Variants in CACNA1C observed in about 807,000 individuals in gnomAD.
The protein encoded by CACNA1C is calcium voltage-gated channel subunit alpha1 C, also known as voltage-dependent L-type calcium channel subunit alpha-1C.
CACNA1C carries 30 observed loss-of-function variants against 229.0 expected under a neutral mutation model. That is an observed-to-expected ratio of 0.13 (90% CI 0.10 to 0.18). The LOEUF is 0.18. Ranked by LOEUF, CACNA1C falls within the 10% of genes least tolerant of loss-of-function variation. CACNA1C has a pLI of 1.00. For synonymous variants in CACNA1C, 1,114 were observed against 1,132.5 expected, an observed-to-expected ratio of 0.98 and a Z score of 0.33; for missense variants, 1,658 against 2,845.0, an observed-to-expected ratio of 0.58 and a Z score of 9.49.
At chr12:2,574,845 T>C (rs2057802015) in intron 13 of CACNA1C, among the ~76,000 whole-genome samples, 1 of 152,240 alleles carries the variant, frequency 6.6e-6, no homozygotes, top group South Asian at 2.1e-4. Context: ...CAAAGGTAGC[T>C]CAGACTCCAG....
At chr12:1,998,136 G>A (rs543430923) in intron 1 of CACNA1C, among the ~76,000 whole-genome samples, 4 of 152,324 alleles carry the variant, frequency 2.6e-5, no homozygotes, top group Non-Finnish European at 5.9e-5. Context: ...CAAGTTCTAT[G>A]TCATCATTGT....
intron 43 of CACNA1C, among the ~76,000 whole-genome samples, chr12:2,684,818 A>G (rs1569259900): frequency 6.6e-6 from 1 of 152,198 alleles, no homozygotes; most frequent in Non-Finnish European, 1.5e-5. Flanking sequence ...TTGAAGGTAT[A>G]AATACTGCGG....
chr12:2,425,884 A>G (rs942746113), intron 3 of CACNA1C, among the ~76,000 whole-genome samples: 1 of 152,258 alleles, frequency 6.6e-6, no homozygotes, highest in African/African-American at 2.4e-5. Flanking sequence ...GAAAGCCCCA[A>G]GAGACTTGGG....
chr12:2,419,253 G>A (rs1343375726), intron 3 of CACNA1C, among the ~76,000 whole-genome samples: 1 of 152,192 alleles, frequency 6.6e-6, no homozygotes. Context: ...GCCTCAGGAA[G>A]CTTCCAATCA....
intron 7 of CACNA1C, among the ~76,000 whole-genome samples, chr12:2,494,056 T>C (rs1279482192): frequency 1.3e-5 from 2 of 152,148 alleles, no homozygotes; most frequent in Admixed American, 6.5e-5. Flanking sequence ...GATACATGTG[T>C]AGAACGTGCA....
chr12:2,027,641 G>T (rs181061464), intron 1 of CACNA1C, among the ~76,000 whole-genome samples: 2 of 152,118 alleles, frequency 1.3e-5, no homozygotes, highest in Non-Finnish European at 2.9e-5. Flanking sequence ...TTGAGCGTGG[G>T]CATTTAAAGC....
chr12:2,117,049 A>G (rs1324157810), intron 2 of CACNA1C, among the ~76,000 whole-genome samples: 1 of 152,196 alleles, frequency 6.6e-6, no homozygotes, highest in Admixed American at 6.5e-5. Context: ...CAGGTGGATC[A>G]CCTGAGGTCA....
chr12:2,677,583 T>TCA lies in CACNA1C; in HGVS notation c.4957-139_4957-138dup, dbSNP rs1014241367. 2.7e-5 allele frequency: 23 copies of TCA among 855,234 alleles called. No individual in the cohort carries two copies. Among genetic ancestry groups the TCA allele is most frequent in the East Asian group, 1.3e-4 (5 of 37,378 alleles). 53.0% of individuals were successfully genotyped at this position (855,234 alleles called of 1,614,324 possible). The stretch of plus-strand genomic sequence containing the variant: ...ATCAGAGGGCAGCCCAGCCCCCAGT[T>TCA]CACACACACACAAACCTTCCGGAGG... On this transcript the variant is annotated intron_variant, in intron 40 of 46. Coordinates refer to ENST00000399655, the MANE Select transcript of CACNA1C (RefSeq NM_000719.7). The surrounding 1 kb of genome is among the most constrained non-coding windows in gnomAD (Gnocchi z 7.4).
intron 3 of CACNA1C, among the ~76,000 whole-genome samples, chr12:2,135,126 T>C (rs1322487345): frequency 2.4e-3 from 349 of 143,244 alleles, no homozygotes; most frequent in African/African-American, 8.1e-3. Context: ...GCATTCTTCA[T>C]GTAGTTCTTG....
At chr12:2,208,626 G>A (rs1479958814) in intron 3 of CACNA1C, among the ~76,000 whole-genome samples, 4 of 152,168 alleles carry the variant, frequency 2.6e-5, no homozygotes, top group Admixed American at 2.0e-4. Context: ...GGGACTCAGG[G>A]CACTGATATT....
chr12:2,464,757 T>C (rs2099539203), intron 5 of CACNA1C, among the ~76,000 whole-genome samples: 1 of 152,248 alleles, frequency 6.6e-6, no homozygotes. Flanking sequence ...GGAAGTTTAC[T>C]TTCATCCTGA....
At chr12:2,381,832 A>G (rs1382888074) in intron 3 of CACNA1C, among the ~76,000 whole-genome samples, 1 of 152,206 alleles carries the variant, frequency 6.6e-6, no homozygotes, top group Non-Finnish European at 1.5e-5. Context: ...AATGACTTTG[A>G]CTATGGGGAT....
intron 3 of CACNA1C, among the ~76,000 whole-genome samples, chr12:2,275,000 C>G (rs1433262559): frequency 6.6e-6 from 1 of 152,202 alleles, no homozygotes; most frequent in Non-Finnish European, 1.5e-5. Flanking sequence ...GGCACACAGG[C>G]CTCTTGACAG....
intron 45 of CACNA1C, among the ~76,000 whole-genome samples, chr12:2,687,900 A>G (rs1034968455): frequency 3.3e-5 from 5 of 152,226 alleles, no homozygotes; most frequent in Non-Finnish European, 5.9e-5. Flanking sequence ...AACCTGAGCT[A>G]GAGACTGGCA....
At chr12:2,163,255 T>C (rs796469129) in intron 3 of CACNA1C, among the ~76,000 whole-genome samples, 1 of 151,422 alleles carries the variant, frequency 6.6e-6, no homozygotes, top group African/African-American at 2.4e-5. Context: ...GCTTTAAAAT[T>C]GACAGTGCAT....
rs956408859 is a variant in CACNA1C, at chr12:2,566,396, C to T, written c.1509-26C>T. The T allele has an allele frequency of 1.9e-6, 3 of 1,561,688 alleles. No individual in the cohort carries two copies. The highest frequency in any genetic ancestry group is 2.7e-5 in the African/African-American group (2 of 73,662). On this transcript the variant is annotated intron_variant, in intron 11 of 46. Transcript: ENST00000399655. The surrounding 1 kb of genome is among the most constrained non-coding windows in gnomAD (Gnocchi z 4.0). The stretch of plus-strand genomic sequence containing the variant: ...AAACCTGAATTCACAGCCAACCCCA[C>T]CCTTCTCTCCCTGTCCCCTTTCCAG...
intron 1 of CACNA1C, among the ~76,000 whole-genome samples, chr12:2,041,746 G>A (rs1172549922): frequency 6.6e-6 from 1 of 152,218 alleles, no homozygotes; most frequent in Non-Finnish European, 1.5e-5. Context: ...ATGTTCATTT[G>A]TTTTATGAAC....
intron 9 of CACNA1C, among the ~76,000 whole-genome samples, chr12:2,533,737 C>G (rs2099846483): frequency 6.6e-6 from 1 of 152,172 alleles, no homozygotes; most frequent in Admixed American, 6.5e-5. Flanking sequence ...TCAAAAGCGC[C>G]AGGGCTGGGG....
Position 2,053,186 on chromosome 12 carries a change from C to A in CACNA1C, c.-377C>A. On this transcript the variant is annotated 5_prime_UTR_variant, in exon 1 of 47. Coordinates refer to ENST00000399655, the MANE Select transcript of CACNA1C (RefSeq NM_000719.7). This position sits in a 1 kb window ranked among gnomAD's most constrained non-coding sequence, Gnocchi z 5.8. Reference sequence around the variant, plus strand: ...CAGAGGCGCCTCGGCCCCTGCCGGCCCAGGCGGGCCCCGCGCGCCCCCCGC... The same window carrying A: ...CAGAGGCGCCTCGGCCCCTGCCGGCACAGGCGGGCCCCGCGCGCCCCCCGC... 1 of 998,072 alleles carries A rather than the reference C, an allele frequency of 1.0e-6. No homozygotes were observed. The allele number at this position is 998,072 out of a possible 1,614,324, so 61.8% of individuals were successfully genotyped here.
Sources: allele counts gnomAD v4.1 joint callset (sites outside exome capture counted in the v4.1 genomes callset), GRCh38; gene constraint gnomAD v4.1.1; non-coding constraint Gnocchi (gnomAD v3.1); transcripts MANE v1.5; gene names NCBI Gene and HGNC (gene_info 2026-07-23, HGNC 2026-07-21).